Variants in MICAL3 observed in about 807,000 individuals in gnomAD.
MICAL3 encodes the protein [F-actin]-monooxygenase MICAL3.
Under a neutral mutation model 207.4 loss-of-function variants are expected in MICAL3, and 62 were observed. The observed-to-expected ratio is 0.30, with a 90% CI of 0.24 to 0.37. The LOEUF (loss-of-function observed/expected upper bound fraction) is 0.37, where lower values mean the gene tolerates loss of function less well. Among genes scored for constraint, MICAL3 ranks in the 10% least tolerant of loss-of-function variants. MICAL3 has a pLI of 1.00. For missense variants in MICAL3, 2,368 were observed against 2,635.6 expected, an observed-to-expected ratio of 0.90 and a Z score of 2.22; for synonymous variants, 1,077 against 1,069.3, an observed-to-expected ratio of 1.01 and a Z score of -0.14.
At chr22:17,837,212 G>C (rs1266170435) in intron 20 of MICAL3, among the ~76,000 whole-genome samples, 1 of 152,250 alleles carries the variant, frequency 6.6e-6, no homozygotes, top group Non-Finnish European at 1.5e-5. Flanking sequence ...GCAGGAAAAG[G>C]GAGTGAGGCG....
intron 1 of MICAL3, among the ~76,000 whole-genome samples, chr22:17,995,491 ATTTTTTTTTTTTTTT>A (rs138357470): frequency 1.3e-5 from 1 of 77,594 alleles, no homozygotes; most frequent in Non-Finnish European, 2.3e-5. Flanking sequence ...CTTTTCTTTA[ATTTTTTTTTTTTTTT>A]TTTTTTTTTT....
intron 1 of MICAL3, among the ~76,000 whole-genome samples, chr22:17,934,531 C>G (rs1933423186): frequency 6.6e-6 from 1 of 151,896 alleles, no homozygotes; most frequent in Middle Eastern, 3.2e-3. Flanking sequence ...GGAAGCATTC[C>G]CTTTGAAAAC....
intron 26 of MICAL3, 54 bp downstream of exon 26, chr22:17,817,257 C>A: frequency 6.7e-7 from 1 of 1,492,788 alleles, no homozygotes; most frequent in Non-Finnish European, 8.9e-7. Flanking sequence ...GTGACCCCAG[C>A]CCCTCCCGCA....
At chr22:17,797,225 G>T (rs2061885873) in intron 29 of MICAL3, among the ~76,000 whole-genome samples, 1 of 152,200 alleles carries the variant, frequency 6.6e-6, no homozygotes, top group South Asian at 2.1e-4. Context: ...AAAGCTCGGA[G>T]GTACGGGGGC....
At chr22:17,817,143 CTGGCTA>C (rs1442885189) in intron 26 of MICAL3, among the ~76,000 whole-genome samples, 162 bp downstream of exon 26, 3 of 152,220 alleles carry the variant, frequency 2.0e-5, no homozygotes, top group Admixed American at 6.5e-5. Context: ...TGTTACTAAG[CTGGCTA>C]TGCCCTGTGA....
intron 1 of MICAL3, among the ~76,000 whole-genome samples, chr22:17,929,568 C>CTTTTTTTTTTTTTTTTTTTTTT (rs67222681): frequency 9.2e-6 from 1 of 108,902 alleles, no homozygotes; most frequent in African/African-American, 3.6e-5. Flanking sequence ...CTTTTCTTTT[C>CTTTTTTTTTTTTTTTTTTTTTT]TTTTTTTTTT....
chr22:17,872,686 CAGG>C, intron 16 of MICAL3: 1 of 999,988 alleles, frequency 1.0e-6, no homozygotes, highest in Non-Finnish European at 1.6e-6. Context: ...ACTCAGCACA[CAGG>C]TGTGTTTCCC....
chr22:18,000,078 C>A (rs550013289), intron 1 of MICAL3, among the ~76,000 whole-genome samples: 1 of 152,266 alleles, frequency 6.6e-6, no homozygotes, highest in African/African-American at 2.4e-5. Context: ...CAGGCGGCAG[C>A]GACTGTAGGA....
chr22:17,792,588 G>A (rs968066648), intron 29 of MICAL3, among the ~76,000 whole-genome samples: 6 of 152,166 alleles, frequency 3.9e-5, no homozygotes, highest in African/African-American at 9.7e-5. Context: ...TCTGGCACAC[G>A]GTACACAGAC....
intron 16 of MICAL3, among the ~76,000 whole-genome samples, chr22:17,874,609 G>A (rs1928079321): frequency 6.6e-6 from 1 of 152,246 alleles, no homozygotes; most frequent in South Asian, 2.1e-4. Context: ...GAGAGGTGAA[G>A]ACTCAAGTTC....
chr22:17,838,682 G>C (rs80307692), intron 20 of MICAL3, among the ~76,000 whole-genome samples: 2,217 of 152,290 alleles, frequency 0.015, 59 homozygotes, highest in African/African-American at 0.05. Flanking sequence ...GAAACATCAC[G>C]CTGCTGTCCC....
intron 1 of MICAL3, among the ~76,000 whole-genome samples, chr22:17,924,382 T>C (rs1932866694): frequency 1.3e-5 from 2 of 152,158 alleles, no homozygotes; most frequent in South Asian, 4.1e-4. Context: ...CCTTGAGAAA[T>C]ACCACTCACT....
chr22:17,826,037 AC>A (rs1014630972), intron 22 of MICAL3, among the ~76,000 whole-genome samples: 6 of 151,212 alleles, frequency 4.0e-5, no homozygotes, highest in African/African-American at 1.5e-4. Flanking sequence ...CCTCCCATAA[AC>A]CCCCTGGTTT....
chr22:17,833,581 C>T (rs187611031), intron 20 of MICAL3, among the ~76,000 whole-genome samples: 380 of 152,324 alleles, frequency 2.5e-3, no homozygotes, highest in Middle Eastern at 0.01. Flanking sequence ...GAGAGGACTC[C>T]AGCCCTTGTC....
intron 19 of MICAL3, among the ~76,000 whole-genome samples, chr22:17,852,058 A>G (rs1348600586): frequency 1.3e-5 from 2 of 152,194 alleles, no homozygotes; most frequent in Non-Finnish European, 2.9e-5. Flanking sequence ...GAATGCATCC[A>G]AAGCCAGCTC....
intron 16 of MICAL3, chr22:17,875,390 G>C (rs1211037534): frequency 2.6e-6 from 3 of 1,139,330 alleles, no homozygotes; most frequent in Non-Finnish European, 3.6e-6. Flanking sequence ...ACTTGCGAAA[G>C]TGACGTGAGT....
intron 9 of MICAL3, 133 bp downstream of exon 9, chr22:17,896,113 T>G (rs1930803542): frequency 1.7e-6 from 1 of 573,556 alleles, no homozygotes; most frequent in Admixed American, 3.1e-5. Context: ...GCCTTTCCTC[T>G]TTTCCACATG....
chr22:17,871,765 G>T, intron 17 of MICAL3, 72 bp downstream of exon 17: 1 of 1,410,834 alleles, frequency 7.1e-7, no homozygotes, highest in South Asian at 1.4e-5. Flanking sequence ...GGGGCCCAAA[G>T]GCGCCCAGCT....
intron 1 of MICAL3, among the ~76,000 whole-genome samples, chr22:17,915,183 C>T (rs73388420): frequency 5.9e-5 from 9 of 152,282 alleles, no homozygotes; most frequent in South Asian, 2.1e-4. Context: ...TTACTTTTGC[C>T]GTTACTTTTA....
Sources: gnomAD v4.1 joint callset for allele counts (sites outside exome capture counted in the v4.1 genomes callset) on GRCh38, gnomAD v4.1.1 for gene constraint, MANE v1.5 for transcripts, NCBI Gene and HGNC (gene_info 2026-07-23, HGNC 2026-07-21) for gene names.